The following QTMAN variants were observed in gnomAD, a reference collection of about 807,000 sequenced individuals.
The protein encoded by QTMAN is queuosine-tRNA mannosyltransferase, also known as tRNA-queuosine alpha-mannosyltransferase.
At chr2:144,307,369 G>A in the QTMAN span, among the ~76,000 whole-genome samples, 1 of 152,054 alleles carries the variant, frequency 6.6e-6, no homozygotes, top group Admixed American at 6.5e-5. Context: ...ACACGTAACA[G>A]TGAAAGTCTG....
At chr2:144,291,061 T>C in the QTMAN span, among the ~76,000 whole-genome samples, 1 of 152,220 alleles carries the variant, frequency 6.6e-6, no homozygotes, top group African/African-American at 2.4e-5. Context: ...CAGGCAATCC[T>C]TGACTTGTAA....
At chr2:144,021,956 A>G in the QTMAN span, among the ~76,000 whole-genome samples, 1 of 152,198 alleles carries the variant, frequency 6.6e-6, no homozygotes, top group African/African-American at 2.4e-5. Context: ...ACATTTAAAA[A>G]AAAATCAAGA....
At chr2:144,145,679 A>G in the QTMAN span, 52 of 1,611,796 alleles carry the variant, frequency 3.2e-5, 1 homozygote, top group African/African-American at 5.9e-4. Flanking sequence ...TCAGTTTCCC[A>G]AGGTCAGGCC....
the QTMAN span, among the ~76,000 whole-genome samples, chr2:144,327,205 A>AGAGATCACATGGAAGGTCTGC: frequency 1.3e-5 from 2 of 152,206 alleles, no homozygotes; most frequent in Non-Finnish European, 2.9e-5. Flanking sequence ...AGATGCACTC[A>AGAGATCACATGGAAGGTCTGC]GAGATCACAT....
At chr2:143,952,893 A>G in the QTMAN span, 1 of 1,123,900 alleles carries the variant, frequency 8.9e-7, no homozygotes, top group Middle Eastern at 2.0e-4. Flanking sequence ...AGACATTACC[A>G]TCATAGCCAG....
chr2:144,045,506 G>A, the QTMAN span, among the ~76,000 whole-genome samples: 1 of 152,166 alleles, frequency 6.6e-6, no homozygotes, highest in Non-Finnish European at 1.5e-5. Flanking sequence ...TCAACTAGAA[G>A]GCATAATGCA....
the QTMAN span, among the ~76,000 whole-genome samples, chr2:144,226,919 T>G: frequency 2.0e-5 from 3 of 152,032 alleles, no homozygotes; most frequent in Non-Finnish European, 4.4e-5. Flanking sequence ...AATGAAGAGG[T>G]AGTCTCCATC....
the QTMAN span, among the ~76,000 whole-genome samples, chr2:144,085,031 T>C: frequency 1.3e-5 from 2 of 152,200 alleles, no homozygotes; most frequent in African/African-American, 4.8e-5. Context: ...GTATGAACAT[T>C]TGACCGCTCT....
At chr2:143,984,334 C>G in the QTMAN span, among the ~76,000 whole-genome samples, 1 of 152,092 alleles carries the variant, frequency 6.6e-6, no homozygotes, top group Non-Finnish European at 1.5e-5. Context: ...TAATGAAGAA[C>G]AAATAGATGT....
the QTMAN span, among the ~76,000 whole-genome samples, chr2:144,089,042 A>G: frequency 2.4e-4 from 37 of 152,198 alleles, no homozygotes; most frequent in African/African-American, 8.7e-4. Context: ...TGAATGAGAG[A>G]AAATATCTGC....
chr2:144,072,838 C>G, the QTMAN span, among the ~76,000 whole-genome samples: 1 of 152,194 alleles, frequency 6.6e-6, no homozygotes, highest in Non-Finnish European at 1.5e-5. Flanking sequence ...AAAGACAAGA[C>G]TTAAATTTAG....
At chr2:143,952,983 T>G in the QTMAN span, 1 of 611,696 alleles carries the variant, frequency 1.6e-6, no homozygotes, top group East Asian at 2.7e-5. Flanking sequence ...AGTATAATTC[T>G]AAAAGCCAAA....
the QTMAN span, among the ~76,000 whole-genome samples, chr2:143,949,695 T>A: frequency 6.6e-6 from 1 of 151,878 alleles, no homozygotes. Context: ...TCCGACTGCA[T>A]AAGAAAAGTA....
chr2:144,092,426 C>T, the QTMAN span, among the ~76,000 whole-genome samples: 127 of 152,186 alleles, frequency 8.3e-4, no homozygotes, highest in Non-Finnish European at 1.2e-3. Flanking sequence ...CCGCCCACCT[C>T]GGCCTCCCAA....
the QTMAN span, among the ~76,000 whole-genome samples, chr2:144,264,219 A>G: frequency 6.6e-6 from 1 of 152,206 alleles, no homozygotes; most frequent in East Asian, 1.9e-4. Context: ...CACATATTCT[A>G]TAGTAGGATA....
chr2:144,310,059 G>T, the QTMAN span, among the ~76,000 whole-genome samples: 2 of 152,096 alleles, frequency 1.3e-5, no homozygotes, highest in Non-Finnish European at 2.9e-5. Context: ...AAGTTCATCT[G>T]GCAAAGAGCA....
the QTMAN span, among the ~76,000 whole-genome samples, chr2:144,008,470 GA>G: frequency 6.6e-6 from 1 of 151,982 alleles, no homozygotes. Context: ...AAGGGGTGAA[GA>G]AATACAACTC....
At chr2:144,178,303 A>T in the QTMAN span, 14 of 152,246 alleles carry the variant, frequency 9.2e-5, no homozygotes, top group African/African-American at 3.4e-4. Flanking sequence ...TGCTATCAGG[A>T]TCAAATGAGA....
At chr2:144,230,845 A>G in the QTMAN span, among the ~76,000 whole-genome samples, 2 of 151,996 alleles carry the variant, frequency 1.3e-5, no homozygotes, top group Admixed American at 6.6e-5. Context: ...TAGGACAGGG[A>G]AAAAAAACCT....
Sources: allele counts gnomAD v4.1 joint callset (sites outside exome capture counted in the v4.1 genomes callset), GRCh38; gene constraint gnomAD v4.1.1; transcripts MANE v1.5; gene names NCBI Gene and HGNC (gene_info 2026-07-23, HGNC 2026-07-21).